RALGPS1: variants seen among roughly 807,000 people sequenced by gnomAD.
RALGPS1 encodes the protein ras-specific guanine nucleotide-releasing factor RalGPS1.
A neutral mutation model predicts 78.8 loss-of-function variants in RALGPS1; 19 were observed. The observed-to-expected ratio is 0.24, with a 90% confidence interval of 0.17 to 0.35. The LOEUF (loss-of-function observed/expected upper bound fraction) is 0.35, where lower values mean the gene tolerates loss of function less well. RALGPS1 is among the 10% of genes least tolerant of loss of function. RALGPS1 has a pLI of 1.00. For missense variants in RALGPS1, 454 were observed against 688.3 expected, an observed-to-expected ratio of 0.66 and a Z score of 3.81; for synonymous variants, 228 against 256.3, an observed-to-expected ratio of 0.89 and a Z score of 1.06.
intron 8 of RALGPS1, among the ~76,000 whole-genome samples, chr9:127,164,147 C>T (rs1421072758): frequency 2.0e-5 from 3 of 152,052 alleles, no homozygotes; most frequent in Non-Finnish European, 4.4e-5. Context: ...CTTTTTAGGA[C>T]TTACTGAGGT....
chr9:127,050,555 CA>C (rs1443805855), intron 6 of RALGPS1, among the ~76,000 whole-genome samples: 5 of 152,174 alleles, frequency 3.3e-5, no homozygotes, highest in African/African-American at 1.2e-4. Context: ...ACAATATTGT[CA>C]GCAGTCAGCA....
At chr9:127,018,634 AAAT>A (rs1437954288) in intron 4 of RALGPS1, among the ~76,000 whole-genome samples, 11 of 134,556 alleles carry the variant, frequency 8.2e-5, no homozygotes, top group South Asian at 2.4e-4. Context: ...CTGTCTCAAA[AAAT>A]AATAATGATG....
intron 8 of RALGPS1, among the ~76,000 whole-genome samples, chr9:127,094,984 G>A (rs887189760): frequency 6.6e-6 from 1 of 152,244 alleles, no homozygotes; most frequent in Non-Finnish European, 1.5e-5. Flanking sequence ...GTCACCAAGG[G>A]TCTGGACAGG....
At chr9:127,051,331 C>T (rs1013423567) in intron 6 of RALGPS1, among the ~76,000 whole-genome samples, 2 of 152,200 alleles carry the variant, frequency 1.3e-5, no homozygotes, top group African/African-American at 4.8e-5. Context: ...TCCTTAATCT[C>T]TGCCATTTTC....
At chr9:126,916,159 T>C (rs1055714034) in intron 1 of RALGPS1, among the ~76,000 whole-genome samples, 1 of 152,172 alleles carries the variant, frequency 6.6e-6, no homozygotes, top group African/African-American at 2.4e-5. Context: ...CAGGTTGGAT[T>C]CAGGGACTGG....
Position 127,041,469 on chromosome 9 carries a change from T to C in RALGPS1, c.300+6955T>C, listed in dbSNP as rs140135492. On this transcript the variant is annotated intron_variant, in intron 5 of 18. Transcript: ENST00000259351. Reference sequence around the variant, plus strand: ...TCCCATTTTGTATTCTCACCAGCAATGAATGAGTGTGTGGCTTCAATCCTT... The same window carrying C: ...TCCCATTTTGTATTCTCACCAGCAACGAATGAGTGTGTGGCTTCAATCCTT... Among the ~76,000 whole-genome samples, 389 of 152,318 alleles carry C rather than the reference T, an allele frequency of 2.6e-3. 8 individuals are homozygous for C. The highest frequency in any genetic ancestry group is 0.024 in the Admixed American group (368 of 15,296).
chr9:127,178,741 G>A (rs2060033821), intron 11 of RALGPS1, among the ~76,000 whole-genome samples: 1 of 152,206 alleles, frequency 6.6e-6, no homozygotes, highest in Non-Finnish European at 1.5e-5. Context: ...TCATGCAGCA[G>A]TGGCAGAGTT....
At chr9:126,976,361 TCA>T (rs960166396) in intron 3 of RALGPS1, among the ~76,000 whole-genome samples, 84 of 149,568 alleles carry the variant, frequency 5.6e-4, no homozygotes, top group African/African-American at 2.0e-3. Context: ...ACGTACACCC[TCA>T]CACATACACA....
chr9:126,945,103 A>G (rs2037135269), intron 1 of RALGPS1, among the ~76,000 whole-genome samples: 1 of 152,126 alleles, frequency 6.6e-6, no homozygotes, highest in East Asian at 1.9e-4. Context: ...CAGGTGAGGT[A>G]TGAGTGGGCC....
rs1554809768 is a variant in RALGPS1, at chr9:127,055,212, A to ATCTATCTGTCTG, written c.483+2276_483+2277insATCTGTCTGTCT. Among the ~76,000 whole-genome samples the ATCTATCTGTCTG allele has an allele frequency of 5.4e-4, 82 of 151,102 alleles. 1 individual carries two copies. The highest frequency in any genetic ancestry group is 1.7e-3 in the African/African-American group (69 of 41,070). On this transcript the variant is annotated intron_variant, in intron 7 of 18. Coordinates refer to ENST00000259351, the MANE Select transcript of RALGPS1 (RefSeq NM_014636.3). ...CCCTAAATGCTTTTTCTATCTATCTATCTGTCTGTCTGTCTGTCTGTCTGT... is the reference window on the plus strand; with the variant it reads ...CCCTAAATGCTTTTTCTATCTATCTATCTATCTGTCTGTCTGTCTGTCTGTCTGTCTGTCTGT...
Position 127,151,584 on chromosome 9 carries a change from CA to C in RALGPS1, c.611-14484del, listed in dbSNP as rs1443261111. Reference sequence around the variant, plus strand: ...GAGGGGAAAGGGAAATAAAGAGGGTCAGGGGTCACTTTTATGGTTTTTTTAT... The same window carrying C: ...GAGGGGAAAGGGAAATAAAGAGGGTCGGGGTCACTTTTATGGTTTTTTTAT... On this transcript the variant is annotated intron_variant, in intron 8 of 18. Transcript: ENST00000259351. 2.6e-5 allele frequency among the ~76,000 whole-genome samples: 4 copies of C among 152,136 alleles called. No individual in the cohort carries two copies. In the East Asian group the frequency reaches 7.7e-4, roughly 29 times the overall value.
intron 5 of RALGPS1, among the ~76,000 whole-genome samples, chr9:127,046,672 C>CA (rs71377987): frequency 0.063 from 2,542 of 40,358 alleles, 68 homozygotes; most frequent in Admixed American, 0.17. Flanking sequence ...CCCATCCATA[C>CA]AAAAAAAAAA....
chr9:126,959,549 C>G (rs1269615656), intron 1 of RALGPS1, among the ~76,000 whole-genome samples: 1 of 151,810 alleles, frequency 6.6e-6, no homozygotes, highest in African/African-American at 2.4e-5. Flanking sequence ...TTTGGCCTCT[C>G]CAGCTCAGCT....
chr9:127,172,303 G>A (rs2059607222), intron 10 of RALGPS1, among the ~76,000 whole-genome samples: 2 of 152,292 alleles, frequency 1.3e-5, no homozygotes, highest in South Asian at 4.2e-4. Flanking sequence ...GGGTGTTGCT[G>A]TAGAGAATGA....
chr9:127,166,337 G>T (rs1189940190), intron 9 of RALGPS1, 131 bp downstream of exon 9: 44 of 1,070,954 alleles, frequency 4.1e-5, no homozygotes, highest in Non-Finnish European at 5.8e-5. Flanking sequence ...CATCAAACAT[G>T]TACTAGATCC....
At chr9:127,033,689 T>C (rs1212247559) in intron 4 of RALGPS1, among the ~76,000 whole-genome samples, 1 of 152,226 alleles carries the variant, frequency 6.6e-6, no homozygotes, top group East Asian at 1.9e-4. Flanking sequence ...TGATGGCTTC[T>C]CCTTGGTCCT....
chr9:127,052,912 C>A lies in RALGPS1; in HGVS notation c.456C>A (p.Pro152=). The A allele has an allele frequency of 6.2e-7, 1 of 1,607,442 alleles. No homozygotes were observed. The change falls in exon 7 of 19, where the codon CCC becomes CCA. Residue 152 remains proline, a synonymous_variant. Coordinates refer to ENST00000259351, the MANE Select transcript of RALGPS1 (RefSeq NM_014636.3). Reference sequence around the variant, plus strand: ...TGGTATCAGCATTACAAAGTGCTCCCATCTTCAGGCTGACAAAAACCTGGG... The same window carrying A: ...TGGTATCAGCATTACAAAGTGCTCCAATCTTCAGGCTGACAAAAACCTGGG... ...MSVVSALQSA[P]IFRLTKTWAL...
At chr9:127,214,619 C>T (rs949878860) in intron 17 of RALGPS1, 132 bp from the exon 18 acceptor site, 16 of 1,397,932 alleles carry the variant, frequency 1.1e-5, no homozygotes, top group African/African-American at 1.0e-4. Flanking sequence ...GCTGCTTTCT[C>T]TGCATGTTCC....
At chr9:127,107,141 T>C (rs1043724338) in intron 8 of RALGPS1, 4 of 152,200 alleles carry the variant, frequency 2.6e-5, no homozygotes, top group African/African-American at 9.6e-5. Context: ...AGATTTAAAG[T>C]GAAAAGACCT....
Sources: allele counts gnomAD v4.1 joint callset (sites outside exome capture counted in the v4.1 genomes callset), GRCh38; gene constraint gnomAD v4.1.1; transcripts MANE v1.5; gene names NCBI Gene and HGNC (gene_info 2026-07-23, HGNC 2026-07-21).